The following WDR20 variants were observed in gnomAD, a reference collection of about 807,000 sequenced individuals.
WDR20 encodes the protein WD repeat domain 20, also known as WD repeat-containing protein 20.
Under a neutral mutation model 38.7 loss-of-function variants are expected in WDR20, and 3 were observed. That is an observed-to-expected ratio of 0.08 (90% CI 0.04 to 0.20). WDR20 has a LOEUF of 0.20. Among genes scored for constraint, WDR20 ranks in the 10% least tolerant of loss-of-function variants. The pLI is 1.00. For missense variants in WDR20, 559 were observed against 727.7 expected, an observed-to-expected ratio of 0.77 and a Z score of 2.67; for synonymous variants, 298 against 285.6, an observed-to-expected ratio of 1.04 and a Z score of -0.44.
chr14:102,185,502 C>A (rs927613559), intron 1 of WDR20, among the ~76,000 whole-genome samples: 1 of 152,076 alleles, frequency 6.6e-6, no homozygotes, highest in Non-Finnish European at 1.5e-5. Flanking sequence ...CAGCAGAAGG[C>A]ACACGGGCTG....
Position 102,207,546 on chromosome 14 carries a change from C to T in WDR20, c.433-1057C>T, listed in dbSNP as rs1210570007. 6.6e-6 allele frequency among the ~76,000 whole-genome samples: 1 copy of T among 152,162 alleles called. No homozygotes were observed. The highest frequency in any genetic ancestry group is 1.5e-5 in the Non-Finnish European group (1 of 68,030). Reference sequence around the variant, plus strand: ...GTTCAACTTACCTGGGGCTGCTGGGCTCCTAAAGGGACACTGTTACTGGGG... The same window carrying T: ...GTTCAACTTACCTGGGGCTGCTGGGTTCCTAAAGGGACACTGTTACTGGGG... On this transcript the variant is annotated intron_variant, in intron 2 of 2. Coordinates refer to ENST00000342702, the MANE Select transcript of WDR20 (RefSeq NM_144574.4). The surrounding 1 kb of genome is among the most constrained non-coding windows in gnomAD (Gnocchi z 5.0).
intron 1 of WDR20, chr14:102,167,665 A>T (rs2060023877): frequency 6.6e-6 from 1 of 152,216 alleles, no homozygotes; most frequent in Non-Finnish European, 1.5e-5. Context: ...CCTTCAGACT[A>T]GATCCGGTCT....
At chr14:102,139,455 C>G, upstream of WDR20, 1 of 1,485,520 alleles carries the variant, frequency 6.7e-7, no homozygotes, top group South Asian at 1.3e-5. Flanking sequence ...CGGTGGCCGT[C>G]GGGGTGGCGC....
intron 1 of WDR20, among the ~76,000 whole-genome samples, chr14:102,140,658 C>T (rs2050653811): frequency 6.6e-6 from 1 of 152,140 alleles, no homozygotes; most frequent in Admixed American, 6.5e-5. Flanking sequence ...GAGACTAGGT[C>T]AGAAAGAACC....
At chr14:102,196,937 C>T (rs1199131980) in intron 2 of WDR20, among the ~76,000 whole-genome samples, 1 of 152,090 alleles carries the variant, frequency 6.6e-6, no homozygotes, top group African/African-American at 2.4e-5. Context: ...TAAGGAGATC[C>T]TCTGGCCATG....
In WDR20 at chr14:102,208,914, C is replaced by T. The variant is rs754703098; in HGVS notation, c.744C>T (p.Asn248=). 9 of 1,614,216 alleles carry T rather than the reference C, an allele frequency of 5.6e-6. No homozygotes were observed. The highest frequency in any genetic ancestry group is 7.6e-6 in the Non-Finnish European group (9 of 1,180,040). The stretch of plus-strand genomic sequence containing the variant: ...AGGACGGGTTTCTGCGGGTGTTCAA[C>T]TTTGACTCAGTGGAGCTGCACGGTA... ...VSQDGFLRVF[N]FDSVELHGTM... Residue 248 remains asparagine (N), a synonymous_variant, in exon 3 of 3, where the codon AAC becomes AAT. Transcript: ENST00000342702. This position sits in a 1 kb window ranked among gnomAD's most constrained non-coding sequence, Gnocchi z 5.6.
intron 1 of WDR20, among the ~76,000 whole-genome samples, chr14:102,150,193 C>A (rs2055270795): frequency 6.6e-6 from 1 of 152,006 alleles, no homozygotes; most frequent in Non-Finnish European, 1.5e-5. Flanking sequence ...AAGAATCAGG[C>A]CTGGCATAGG....
At position 102,221,948 on chromosome 14, in the gene WDR20, C is replaced by T. The variant is rs1432245066; in HGVS notation, c.1693-882C>T. 2.6e-5 allele frequency among the ~76,000 whole-genome samples: 4 copies of T among 152,176 alleles called. No individual in the cohort carries two copies. The highest frequency in any genetic ancestry group is 2.1e-4 in the South Asian group (1 of 4,836). Reference sequence around the variant, plus strand: ...CATCTTAATGTTCTTCATAAATGAACGCCACACTTTGATGTAATGTAATTG... The same window carrying T: ...CATCTTAATGTTCTTCATAAATGAATGCCACACTTTGATGTAATGTAATTG... On this transcript the variant is annotated intron_variant, in intron 3 of 3. Coordinates refer to the WDR20 transcript ENST00000335263. The surrounding 1 kb of genome is among the most constrained non-coding windows in gnomAD (Gnocchi z 4.8).
At chr14:102,156,240 T>C (rs2057354144) in intron 1 of WDR20, among the ~76,000 whole-genome samples, 1 of 151,568 alleles carries the variant, frequency 6.6e-6, no homozygotes, top group Non-Finnish European at 1.5e-5. Context: ...TGATCTCGGC[T>C]CACTGCAAGC....
chr14:102,143,946 G>T lies in WDR20; in HGVS notation c.249+3774G>T, dbSNP rs2052528417. On this transcript the variant is annotated intron_variant, in intron 1 of 2. Coordinates refer to ENST00000342702, the MANE Select transcript of WDR20 (RefSeq NM_144574.4). ...AATCCCAGCACTTTGGGAGACTGAG[G>T]TGGGAGGATCGCTTGAGCCCAGGAG... 3.3e-5 allele frequency among the ~76,000 whole-genome samples: 5 copies of T among 151,870 alleles called. No individual in the cohort carries two copies. The South Asian group carries it at 1.0e-3, about 32-fold the overall frequency.
intron 2 of WDR20, among the ~76,000 whole-genome samples, chr14:102,202,527 C>T (rs1289512331): frequency 6.6e-6 from 1 of 151,674 alleles, no homozygotes; most frequent in African/African-American, 2.4e-5. Context: ...CTACAGGCAC[C>T]CGCCACCATG....
intron 1 of WDR20, among the ~76,000 whole-genome samples, chr14:102,154,504 T>C (rs1011398347): frequency 1.3e-5 from 2 of 152,176 alleles, no homozygotes; most frequent in Admixed American, 6.5e-5. Flanking sequence ...ACATTGCTGA[T>C]GAGGTTTCAA....
Position 102,158,826 on chromosome 14 carries a change from C to T in WDR20, c.249+18654C>T, listed in dbSNP as rs79033031. Among the ~76,000 whole-genome samples, 1,097 of 152,200 alleles carry T rather than the reference C, an allele frequency of 7.2e-3. 15 individuals are homozygous for T. The highest frequency in any genetic ancestry group is 0.025 in the African/African-American group (1,049 of 41,478). ...TCTAAAGTCACCTCCCCGACTCGTT[C>T]GCTAAATCCCACCTCATTTTGGCTA... On this transcript the variant is annotated intron_variant, in intron 1 of 2. Transcript: ENST00000342702.
downstream of WDR20, among the ~76,000 whole-genome samples, chr14:102,224,037 A>ATTTT (rs533802492): frequency 2.5e-4 from 31 of 123,112 alleles, no homozygotes; most frequent in African/African-American, 4.6e-4. Context: ...TTTACCTGAG[A>ATTTT]TTTTTTTTTT....
intron 1 of WDR20, among the ~76,000 whole-genome samples, chr14:102,146,309 C>T (rs1321902505): frequency 1.3e-5 from 2 of 152,136 alleles, no homozygotes; most frequent in African/African-American, 2.4e-5. Context: ...GGATTACAGG[C>T]ACTTGCCACC....
chr14:102,201,581 C>T (rs1295641171), intron 2 of WDR20, among the ~76,000 whole-genome samples: 2 of 152,116 alleles, frequency 1.3e-5, no homozygotes, highest in South Asian at 2.1e-4. Flanking sequence ...TTAAGTGGCA[C>T]GGTCTGTTTG....
At chr14:102,164,861 T>C (rs1054991443) in intron 1 of WDR20, among the ~76,000 whole-genome samples, 1 of 152,254 alleles carries the variant, frequency 6.6e-6, no homozygotes, top group African/African-American at 2.4e-5. Context: ...ATTTCCTTTT[T>C]GTTCCTAAAA....
downstream of WDR20, chr14:102,214,311 T>C (rs2062939284): frequency 1.0e-6 from 1 of 985,330 alleles, no homozygotes; most frequent in Admixed American, 6.1e-5. Context: ...TGCTTTAAGT[T>C]AACAAGGTGC....
At chr14:102,156,390 G>A (rs996090624) in intron 1 of WDR20, among the ~76,000 whole-genome samples, 1 of 150,712 alleles carries the variant, frequency 6.6e-6, no homozygotes, top group East Asian at 2.0e-4. Context: ...GGATGGTCTC[G>A]ATCTCCTGAC....
Sources: gnomAD v4.1 joint callset for allele counts (sites outside exome capture counted in the v4.1 genomes callset) on GRCh38, gnomAD v4.1.1 for gene constraint, Gnocchi (gnomAD v3.1) non-coding constraint, MANE v1.5 for transcripts, NCBI Gene and HGNC (gene_info 2026-07-23, HGNC 2026-07-21) for gene names.